DLC1: variants seen among roughly 807,000 people sequenced by gnomAD.
DLC1 encodes rho GTPase-activating protein 7.
In DLC1, 54 loss-of-function variants were observed where a neutral mutation model predicts 140.3. The ratio of observed to expected loss-of-function variants is 0.38; its 90% CI spans 0.31 to 0.48. The LOEUF (loss-of-function observed/expected upper bound fraction) is 0.48, where lower values mean the gene tolerates loss of function less well. Ranked by LOEUF, DLC1 falls within the 20% of genes least tolerant of loss-of-function variation. DLC1 has a pLI of 0.96. For missense variants in DLC1, 2,536 were observed against 1,907.0 expected (o/e 1.33, Z -6.14); for synonymous variants, 986 against 728.1 (o/e 1.35, Z -5.70).
At chr8:13,205,850 G>C (rs1053595673) in intron 5 of DLC1, among the ~76,000 whole-genome samples, 2 of 152,174 alleles carry the variant, frequency 1.3e-5, no homozygotes, top group South Asian at 4.1e-4. Flanking sequence ...TCAAGACAAA[G>C]TGAAGAGCAA....
intron 2 of DLC1, among the ~76,000 whole-genome samples, chr8:13,469,705 G>C (rs7011776): frequency 6.6e-6 from 1 of 151,976 alleles, no homozygotes; most frequent in South Asian, 2.1e-4. Context: ...ATGATTGAAA[G>C]ATATTATTGA....
intron 5 of DLC1, among the ~76,000 whole-genome samples, chr8:13,294,517 G>A (rs1240280929): frequency 6.6e-6 from 1 of 152,128 alleles, no homozygotes; most frequent in African/African-American, 2.4e-5. Flanking sequence ...ACACAAATGA[G>A]TCATTGGGGG....
intron 5 of DLC1, among the ~76,000 whole-genome samples, chr8:13,130,024 C>G (rs528958631): frequency 3.3e-5 from 5 of 152,214 alleles, no homozygotes; most frequent in Non-Finnish European, 5.9e-5. Flanking sequence ...ACAAGGCTCT[C>G]TTCCAAAAAG....
At chr8:13,468,030 A>G (rs1800020365) in intron 2 of DLC1, among the ~76,000 whole-genome samples, 1 of 152,114 alleles carries the variant, frequency 6.6e-6, no homozygotes, top group Admixed American at 6.5e-5. Flanking sequence ...TCTCTAGAAG[A>G]GTTTACAAGA....
chr8:13,170,255 C>T (rs1032541360), intron 5 of DLC1, among the ~76,000 whole-genome samples: 2 of 152,078 alleles, frequency 1.3e-5, no homozygotes, highest in Non-Finnish European at 2.9e-5. Context: ...ATTTGAAGAG[C>T]CAAAGAGTTC....
chr8:13,572,566 G>C (rs147095377), intron 1 of DLC1, among the ~76,000 whole-genome samples: 3 of 152,152 alleles, frequency 2.0e-5, no homozygotes, highest in African/African-American at 7.2e-5. Context: ...CCAAATCTAA[G>C]ATCATGCAAG....
chr8:13,273,063 T>C (rs974248280), intron 5 of DLC1, among the ~76,000 whole-genome samples: 2 of 152,236 alleles, frequency 1.3e-5, no homozygotes, highest in African/African-American at 4.8e-5. Context: ...ATATTTTATT[T>C]ATGCATTTAA....
intron 5 of DLC1, among the ~76,000 whole-genome samples, chr8:13,275,207 A>C (rs1586054029): frequency 6.6e-6 from 1 of 152,376 alleles, no homozygotes; most frequent in African/African-American, 2.4e-5. Flanking sequence ...TGAGGGCATG[A>C]AACTACCATG....
chr8:13,505,757 T>C (rs1394340269), intron 1 of DLC1, among the ~76,000 whole-genome samples: 2 of 152,228 alleles, frequency 1.3e-5, no homozygotes, highest in Non-Finnish European at 2.9e-5. Flanking sequence ...GTTCTTTCAG[T>C]TTCCTTTCCT....
At chr8:13,435,387 C>G (rs1329397036) in intron 2 of DLC1, among the ~76,000 whole-genome samples, 1 of 152,284 alleles carries the variant, frequency 6.6e-6, no homozygotes, top group African/African-American at 2.4e-5. Context: ...GATCTCGGCT[C>G]ACTGCAAACT....
At chr8:13,415,958 C>T (rs1038079075) in intron 2 of DLC1, among the ~76,000 whole-genome samples, 5 of 152,118 alleles carry the variant, frequency 3.3e-5, no homozygotes, top group African/African-American at 1.2e-4. Flanking sequence ...AACAACTATG[C>T]CAAAGTTAGG....
At chr8:13,491,438 A>G (rs369215372) in intron 2 of DLC1, among the ~76,000 whole-genome samples, 44 of 152,104 alleles carry the variant, frequency 2.9e-4, no homozygotes, top group African/African-American at 1.0e-3. Context: ...CTTATAAACA[A>G]TAACACATAT....
At chr8:13,220,329 A>G (rs749648779) in intron 5 of DLC1, among the ~76,000 whole-genome samples, 7 of 152,182 alleles carry the variant, frequency 4.6e-5, no homozygotes, top group Non-Finnish European at 8.8e-5. Context: ...GCAGCAAAGG[A>G]TAAAGGTGCC....
chr8:13,258,954 G>A (rs1006949996), intron 5 of DLC1, among the ~76,000 whole-genome samples: 4 of 151,754 alleles, frequency 2.6e-5, no homozygotes, highest in South Asian at 2.1e-4. Flanking sequence ...TGGCTAACAC[G>A]GTGAAACCCC....
chr8:13,377,517 A>T (rs1836055608), intron 4 of DLC1, among the ~76,000 whole-genome samples: 1 of 152,192 alleles, frequency 6.6e-6, no homozygotes, highest in Non-Finnish European at 1.5e-5. Flanking sequence ...GTTTGTAGAA[A>T]TGAAAACAGC....
At chr8:13,139,350 C>T (rs920567095) in intron 5 of DLC1, among the ~76,000 whole-genome samples, 1 of 139,900 alleles carries the variant, frequency 7.1e-6, no homozygotes, top group Non-Finnish European at 1.5e-5. Context: ...GTCTGAGATT[C>T]TGTTGTGCCT....
At chr8:13,440,056 G>C (rs753587305) in intron 2 of DLC1, among the ~76,000 whole-genome samples, 3 of 152,200 alleles carry the variant, frequency 2.0e-5, no homozygotes, top group Non-Finnish European at 2.9e-5. Flanking sequence ...AGGGGAAAAA[G>C]TCTTCTGGTC....
chr8:13,303,421 A>C (rs895210935), intron 5 of DLC1, among the ~76,000 whole-genome samples: 1 of 152,236 alleles, frequency 6.6e-6, no homozygotes, highest in Non-Finnish European at 1.5e-5. Flanking sequence ...TCATTAAAAA[A>C]ATTGTTGTTC....
chr8:13,414,077 C>G (rs1837934518), intron 2 of DLC1, among the ~76,000 whole-genome samples: 1 of 152,084 alleles, frequency 6.6e-6, no homozygotes. Flanking sequence ...AAGCTGACAC[C>G]ACAAACACGA....
Sources: gnomAD v4.1 joint callset for allele counts (sites outside exome capture counted in the v4.1 genomes callset) on GRCh38, gnomAD v4.1.1 for gene constraint, MANE v1.5 for transcripts, NCBI Gene and HGNC (gene_info 2026-07-23, HGNC 2026-07-21) for gene names.